NOCT: variants seen among roughly 807,000 people sequenced by gnomAD.
NOCT encodes the protein CCR4 carbon catabolite repression 4-like.
NOCT carries 18 observed loss-of-function variants against 35.0 expected under a neutral mutation model. That is an observed-to-expected ratio of 0.51 (90% CI 0.36 to 0.76). The LOEUF is 0.76. NOCT is among the 30% of genes least tolerant of loss of function. The pLI is 0.01. For missense variants in NOCT, 479 were observed against 541.0 expected (o/e 0.89, Z 1.14); for synonymous variants, 235 against 226.3 (o/e 1.04, Z -0.34).
Position 139,016,111 on chromosome 4 carries a change from C to G in NOCT, c.130C>G (p.Pro44Ala). Residue 44 changes from proline (P) to alanine (A), a missense_variant, in exon 1 of 3, where the codon CCC becomes GCC. Coordinates refer to ENST00000280614, the MANE Select transcript of NOCT (RefSeq NM_012118.4). ...PPAAVPRPASPRLLAAASAAS... is the reference protein window; with the variant it reads ...PPAAVPRPASARLLAAASAAS... ...GGCTGCTGTTCCCAGGCCCGCATCC[C>G]CCCGGCTGCTGGCGGCGGCCTCGGC... 1 of 1,313,480 alleles carries G rather than the reference C, an allele frequency of 7.6e-7. No homozygotes were observed. Among genetic ancestry groups the G allele is most frequent in the East Asian group, 3.1e-5 (1 of 32,082 alleles). 81.4% of individuals were successfully genotyped at this position (1,313,480 alleles called of 1,614,324 possible).
chr4:139,038,054 G>A (rs1055955424), intron 1 of NOCT, among the ~76,000 whole-genome samples: 2 of 152,062 alleles, frequency 1.3e-5, no homozygotes. Context: ...ACAAAAATTA[G>A]CCAGGCGTGG....
At chr4:139,016,692 C>A (rs1307650945) in intron 1 of NOCT, among the ~76,000 whole-genome samples, 1 of 128,940 alleles carries the variant, frequency 7.8e-6, no homozygotes. Context: ...CTCACTGTGT[C>A]ACCCAGGCTG....
intron 1 of NOCT, among the ~76,000 whole-genome samples, chr4:139,032,105 C>T (rs1726638668): frequency 6.6e-6 from 1 of 152,182 alleles, no homozygotes; most frequent in African/African-American, 2.4e-5. Context: ...AATCTGAATT[C>T]TCTGGCAGTT....
chr4:139,045,081 C>A lies in NOCT; in HGVS notation c.903C>A (p.Gly301=). ...TGWERFRSAQ[G]CDLLQNLQNI... Reference sequence around the variant, plus strand: ...GGGAGCGGTTTCGATCAGCTCAAGGCTGTGACCTCCTTCAGAACCTGCAAA... The same window carrying A: ...GGGAGCGGTTTCGATCAGCTCAAGGATGTGACCTCCTTCAGAACCTGCAAA... The change falls in exon 3 of 3, where the codon GGC becomes GGA. Residue 301 remains glycine (G), a synonymous_variant. Transcript: ENST00000280614. The A allele has an allele frequency of 1.2e-6, 2 of 1,614,202 alleles. No individual in the cohort carries two copies. Among genetic ancestry groups the A allele is most frequent in the African/African-American group, 1.3e-5 (1 of 75,058 alleles).
rs138152233 is a variant in NOCT, at chr4:139,021,516, G to GA, written c.190+5355dup. ...ACCTGTAATCCCAGCTACTCTCAAA[G>GA]AAAAAAAAAAGGGAAGAAATTTGCA... is the stretch of plus-strand genomic sequence containing the variant. On this transcript the variant is annotated intron_variant, in intron 1 of 2. Transcript: ENST00000280614. 0.014 allele frequency among the ~76,000 whole-genome samples: 2,004 copies of GA among 145,484 alleles called. 135 individuals carry two copies. The East Asian group carries it at 0.21, about 15-fold the overall frequency.
Position 139,037,489 on chromosome 4 carries a change from C to T in NOCT, c.191-5585C>T, listed in dbSNP as rs115029201. Reference sequence around the variant, plus strand: ...CTCACTATGTTGCCCAGGCTGGTCTCGAACTCCTGGACTCCAGGGAACCTC... The same window carrying T: ...CTCACTATGTTGCCCAGGCTGGTCTTGAACTCCTGGACTCCAGGGAACCTC... On this transcript the variant is annotated intron_variant, in intron 1 of 2. Transcript: ENST00000280614. Among the ~76,000 whole-genome samples, 435 of 152,046 alleles carry T rather than the reference C, an allele frequency of 2.9e-3. 1 individual carries two copies. Among genetic ancestry groups the T allele is most frequent in the Non-Finnish European group, 4.4e-3 (298 of 67,972 alleles).
intron 1 of NOCT, among the ~76,000 whole-genome samples, chr4:139,025,207 C>T (rs1334556547): frequency 6.6e-6 from 1 of 152,120 alleles, no homozygotes; most frequent in Non-Finnish European, 1.5e-5. Context: ...GCCACCCTTC[C>T]CGGCTTTGTC....
At chr4:139,037,877 G>A (rs910590153) in intron 1 of NOCT, among the ~76,000 whole-genome samples, 4 of 150,338 alleles carry the variant, frequency 2.7e-5, no homozygotes, top group African/African-American at 7.4e-5. Context: ...ACAGAGTGAG[G>A]CCCTTACAAA....
At chr4:139,023,100 CAAAA>C (rs536523341) in intron 1 of NOCT, among the ~76,000 whole-genome samples, 1 of 134,750 alleles carries the variant, frequency 7.4e-6, no homozygotes, top group African/African-American at 2.7e-5. Context: ...GACTCCATCT[CAAAA>C]AAAAAAAAGA....
chr4:139,044,645 G>C lies in NOCT; in HGVS notation c.467G>C (p.Gly156Ala). ...MQWNILAQAL[G>A]EGKDNFVQCP... ...ACTAGCTTTTTCTTTTCAGCTCTTG[G>C]AGAAGGCAAAGACAACTTTGTACAG... The change falls in exon 3 of 3, where the codon GGA becomes GCA. Residue 156 changes from glycine to alanine, a missense_variant. Gly to Ala is a moderately conservative substitution (Grantham distance 60). This residue lies in a region of NOCT where 265 missense variants were observed against 257.0 expected (regional missense o/e 1.03). Transcript: ENST00000280614. 6.2e-7 allele frequency: 1 copy of C among 1,605,848 alleles called. No individual in the cohort carries two copies. Among genetic ancestry groups the C allele is most frequent in the Non-Finnish European group, 8.5e-7 (1 of 1,173,792 alleles).
chr4:139,034,219 TC>T (rs1297641763), intron 1 of NOCT, among the ~76,000 whole-genome samples: 2 of 151,826 alleles, frequency 1.3e-5, no homozygotes, highest in Non-Finnish European at 2.9e-5. Context: ...GCACTGTGTC[TC>T]CCCACCCCCC....
In NOCT at chr4:139,045,481, G is replaced by A; in HGVS notation, c.*7G>A. 1 of 916,264 alleles carries A rather than the reference G, an allele frequency of 1.1e-6. No individual in the cohort carries two copies. The highest frequency in any genetic ancestry group is 2.1e-5 in the South Asian group (1 of 46,574). 56.8% of individuals were successfully genotyped at this position (916,264 alleles called of 1,614,324 possible). A position where few individuals can be genotyped will look rare whatever the true frequency, so the allele number is the denominator to read the frequency against. The stretch of plus-strand genomic sequence containing the variant: ...ATCTGATGGACTTTCATAAATACTT[G>A]CTTTTGTCTTTTTAATCACAGGAGT... On this transcript the variant is annotated 3_prime_UTR_variant, in exon 3 of 3. Transcript: ENST00000280614.
At chr4:139,036,090 T>TAC (rs1021625145) in intron 1 of NOCT, among the ~76,000 whole-genome samples, 5 of 152,056 alleles carry the variant, frequency 3.3e-5, no homozygotes, top group Admixed American at 3.3e-4. Flanking sequence ...TATGACAGAC[T>TAC]ACACACACAC....
chr4:139,043,534 TTAGAA>T, intron 2 of NOCT, 191 bp downstream of exon 2: 2 of 562,104 alleles, frequency 3.6e-6, no homozygotes, highest in East Asian at 5.8e-5. Context: ...TTTTTTTTTT[TTAGAA>T]AGAAAAAAGA....
chr4:139,042,071 C>CTTT (rs368776726), intron 1 of NOCT, among the ~76,000 whole-genome samples: 4,193 of 108,702 alleles, frequency 0.039, 307 homozygotes, highest in East Asian at 0.11. Flanking sequence ...TCTTTAAGAT[C>CTTT]TTTTTTTTTT....
intron 1 of NOCT, among the ~76,000 whole-genome samples, chr4:139,037,871 A>G (rs1049045520): frequency 1.3e-5 from 2 of 151,458 alleles, no homozygotes; most frequent in African/African-American, 4.9e-5. Flanking sequence ...CTGGTAACAG[A>G]GTGAGGCCCT....
intron 2 of NOCT, chr4:139,043,978 A>G (rs1040638476): frequency 2.7e-5 from 3 of 112,866 alleles, no homozygotes; most frequent in African/African-American, 9.2e-5. Context: ...TCAAAAAAAT[A>G]TGTATATATA....
chr4:139,023,699 T>C (rs1726462836), intron 1 of NOCT, among the ~76,000 whole-genome samples: 1 of 152,156 alleles, frequency 6.6e-6, no homozygotes, highest in African/African-American at 2.4e-5. Flanking sequence ...GGTTTTGCCA[T>C]GTTGGTCAGG....
At chr4:139,034,801 T>A (rs908743785) in intron 1 of NOCT, among the ~76,000 whole-genome samples, 2 of 152,200 alleles carry the variant, frequency 1.3e-5, no homozygotes, top group African/African-American at 4.8e-5. Context: ...GCTCAAGTGA[T>A]CTGCCCACCT....
Sources: gnomAD v4.1 joint callset for allele counts (sites outside exome capture counted in the v4.1 genomes callset) on GRCh38, gnomAD v4.1.1 for gene constraint, gnomAD v4.1.1 regional missense constraint, MANE v1.5 for transcripts, NCBI Gene and HGNC (gene_info 2026-07-23, HGNC 2026-07-21) for gene names.